SLC8A1: variants seen among roughly 807,000 people sequenced by gnomAD.
SLC8A1 encodes sodium/calcium exchanger 1.
SLC8A1 carries 18 observed loss-of-function variants against 68.3 expected under a neutral mutation model. The ratio of observed to expected loss-of-function variants is 0.26; its 90% CI spans 0.18 to 0.39. The LOEUF (loss-of-function observed/expected upper bound fraction) is 0.39. Among genes scored for constraint, SLC8A1 ranks in the 10% least tolerant of loss-of-function variants. The pLI, the probability that SLC8A1 is intolerant of heterozygous loss-of-function variation, is 1.00. For synonymous variants in SLC8A1, 475 were observed against 415.5 expected (o/e 1.14, Z -1.74); for missense variants, 985 against 1,156.7 (o/e 0.85, Z 2.15).
chr2:40,477,047 G>GACCCACAAAACAAT, intron 1 of SLC8A1, among the ~76,000 whole-genome samples: 1 of 152,152 alleles, frequency 6.6e-6, no homozygotes, highest in South Asian at 2.1e-4. Flanking sequence ...TGTTTTGTGG[G>GACCCACAAAACAAT]TGCATTTTTC....
chr2:40,138,219 G>A (rs191393189), intron 7 of SLC8A1, among the ~76,000 whole-genome samples: 5 of 152,274 alleles, frequency 3.3e-5, no homozygotes, highest in Admixed American at 1.3e-4. Flanking sequence ...ATAGCTTCCT[G>A]AAGAAGAATA....
At chr2:40,385,632 C>G (rs1683319085) in intron 2 of SLC8A1, among the ~76,000 whole-genome samples, 1 of 151,114 alleles carries the variant, frequency 6.6e-6, no homozygotes, top group Non-Finnish European at 1.5e-5. Context: ...CAGGCTGAAG[C>G]CAAGGAAACT....
chr2:40,108,080 T>C (rs2034324667), exon 8 of SLC8A1: 1 of 152,188 alleles, frequency 6.6e-6, no homozygotes, highest in Non-Finnish European at 1.5e-5. Flanking sequence ...AATATTTATA[T>C]ATGAAAAATT....
At chr2:40,301,284 A>G (rs1372234744) in intron 2 of SLC8A1, among the ~76,000 whole-genome samples, 1 of 152,248 alleles carries the variant, frequency 6.6e-6, no homozygotes, top group East Asian at 1.9e-4. Context: ...TTAGACATAA[A>G]GAAACTGAAG....
At chr2:40,259,626 C>A (rs2064418754) in intron 2 of SLC8A1, among the ~76,000 whole-genome samples, 1 of 152,136 alleles carries the variant, frequency 6.6e-6, no homozygotes, top group Non-Finnish European at 1.5e-5. Context: ...TGCCACCATG[C>A]CCTGCTAACC....
At chr2:40,456,190 C>T (rs1425560659), upstream of SLC8A1, among the ~76,000 whole-genome samples, 2 of 152,156 alleles carry the variant, frequency 1.3e-5, no homozygotes, top group East Asian at 3.9e-4. Context: ...GTGGCGGGCA[C>T]CTGTAGTCCC....
At chr2:40,291,982 G>A (rs898944469) in intron 2 of SLC8A1, among the ~76,000 whole-genome samples, 5 of 149,082 alleles carry the variant, frequency 3.4e-5, no homozygotes, top group African/African-American at 5.0e-5. Flanking sequence ...TATAATCAAC[G>A]TATGTCAGAG....
intron 6 of SLC8A1, among the ~76,000 whole-genome samples, chr2:40,159,779 A>G (rs1400666163): frequency 6.6e-6 from 1 of 152,148 alleles, no homozygotes; most frequent in East Asian, 1.9e-4. Flanking sequence ...TTATAAACAC[A>G]CTAATAATAA....
intron 2 of SLC8A1, among the ~76,000 whole-genome samples, chr2:40,302,045 G>A (rs1303029205): frequency 6.7e-6 from 1 of 149,780 alleles, no homozygotes; most frequent in African/African-American, 2.5e-5. Flanking sequence ...GTGTGTGTGT[G>A]TGTGTGTGTG....
intron 6 of SLC8A1, among the ~76,000 whole-genome samples, chr2:40,154,100 A>G (rs760534805): frequency 9.2e-5 from 14 of 152,100 alleles, no homozygotes; most frequent in Non-Finnish European, 1.5e-4. Context: ...ATCACTTGCT[A>G]GTTGTGTGAC....
chr2:40,501,336 T>C (rs969761953), intron 1 of SLC8A1, among the ~76,000 whole-genome samples: 1 of 152,118 alleles, frequency 6.6e-6, no homozygotes, highest in Non-Finnish European at 1.5e-5. Flanking sequence ...ATTTATGTAC[T>C]CTTTGTAAAA....
intron 2 of SLC8A1, among the ~76,000 whole-genome samples, chr2:40,406,067 A>G (rs1427686735): frequency 6.6e-6 from 1 of 152,176 alleles, no homozygotes; most frequent in African/African-American, 2.4e-5. Context: ...AATTGTTTCC[A>G]CTAGTGGAAA....
chr2:40,455,613 C>G (rs926155490), upstream of SLC8A1, among the ~76,000 whole-genome samples: 2 of 152,140 alleles, frequency 1.3e-5, no homozygotes, highest in African/African-American at 4.8e-5. Flanking sequence ...TTTTTCCATA[C>G]CTAAGAATCT....
chr2:40,409,610 T>C (rs936088328), intron 2 of SLC8A1, among the ~76,000 whole-genome samples: 2 of 152,116 alleles, frequency 1.3e-5, no homozygotes, highest in Non-Finnish European at 2.9e-5. Flanking sequence ...TATAGCTTGC[T>C]GAATAGAAAA....
Position 40,460,199 on chromosome 2 carries a change from G to C in SLC8A1, c.-24-29895C>G, listed in dbSNP as rs542451652. On this transcript the variant is annotated intron_variant, in intron 1 of 7. Transcript: ENST00000402441. ...TATGTATCTCATGGATCTTAAGAAA[G>C]GATTTAATTTTTCTCTTATTGTTTC... is the stretch of plus-strand genomic sequence containing the variant. Among the ~76,000 whole-genome samples, 4 of 152,050 alleles carry C rather than the reference G, an allele frequency of 2.6e-5. No individual in the cohort carries two copies. In the South Asian group the frequency reaches 8.3e-4, roughly 32 times the overall value.
At chr2:40,347,626 A>G (rs1466186402) in intron 2 of SLC8A1, among the ~76,000 whole-genome samples, 2 of 152,254 alleles carry the variant, frequency 1.3e-5, no homozygotes, top group African/African-American at 2.4e-5. Context: ...AGTGGTACTA[A>G]GACTTCTAAT....
chr2:40,151,404 C>T (rs2043398281), intron 6 of SLC8A1, among the ~76,000 whole-genome samples: 3 of 152,106 alleles, frequency 2.0e-5, no homozygotes, highest in African/African-American at 4.8e-5. Context: ...CTTTATAAAA[C>T]AAAGACTTAG....
intron 7 of SLC8A1, among the ~76,000 whole-genome samples, chr2:40,131,619 C>T (rs2039349300): frequency 6.6e-6 from 1 of 152,178 alleles, no homozygotes; most frequent in South Asian, 2.1e-4. Context: ...CCCACTCCTA[C>T]TTCTGCTCAG....
chr2:40,318,532 G>A (rs559853738), intron 2 of SLC8A1, among the ~76,000 whole-genome samples: 33 of 151,980 alleles, frequency 2.2e-4, no homozygotes, highest in African/African-American at 7.0e-4. Flanking sequence ...AAAGCCATGT[G>A]ACCAGTAAGT....
Sources: allele counts gnomAD v4.1 joint callset (sites outside exome capture counted in the v4.1 genomes callset), GRCh38; gene constraint gnomAD v4.1.1; transcripts MANE v1.5; gene names NCBI Gene and HGNC (gene_info 2026-07-23, HGNC 2026-07-21).